The following COG4 variants were observed in gnomAD, a reference collection of about 807,000 sequenced individuals.
COG4 encodes the protein component of oligomeric golgi complex 4.
Under a neutral mutation model 95.1 loss-of-function variants are expected in COG4, and 65 were observed. The ratio of observed to expected loss-of-function variants is 0.68; its 90% CI spans 0.56 to 0.84. COG4 has a LOEUF of 0.84. COG4 is among the 40% of genes least tolerant of loss of function. The pLI is 0.00. For synonymous variants in COG4, 421 were observed against 374.8 expected (o/e 1.12, Z -1.42); for missense variants, 1,045 against 989.1 (o/e 1.06, Z -0.76).
chr16:70,493,171 C>T (rs547611150), intron 12 of COG4, among the ~76,000 whole-genome samples: 2 of 152,164 alleles, frequency 1.3e-5, no homozygotes, highest in Non-Finnish European at 2.9e-5. Flanking sequence ...CTCTCTCCAG[C>T]TCACTGTCCT....
intron 16 of COG4, 61 bp downstream of exon 16, chr16:70,482,031 G>T: frequency 1.4e-6 from 2 of 1,453,752 alleles, no homozygotes; most frequent in Non-Finnish European, 1.9e-6. Context: ...AGACCCTGCA[G>T]GCTGCTGGTT....
chr16:70,496,183 A>G, intron 12 of COG4, 83 bp downstream of exon 12: 1 of 1,436,504 alleles, frequency 7.0e-7, no homozygotes, highest in Non-Finnish European at 9.8e-7. Flanking sequence ...CTCTAGCTAG[A>G]GGCCAATTAT....
At chr16:70,518,009 C>T (rs957479849) in intron 2 of COG4, among the ~76,000 whole-genome samples, 3 of 151,980 alleles carry the variant, frequency 2.0e-5, no homozygotes, top group African/African-American at 7.3e-5. Context: ...CAGCTCACTG[C>T]AACCTCCGCC....
chr16:70,512,556 G>A (rs957272279), intron 4 of COG4, 124 bp from the exon 5 acceptor site: 3 of 800,794 alleles, frequency 3.7e-6, no homozygotes, highest in Non-Finnish European at 4.2e-6. Flanking sequence ...GCAAGATGCT[G>A]TGCTAGTAAT....
rs1441939677 is a variant in COG4, at chr16:70,480,739, G to C, written c.*271C>G. On this transcript the variant is annotated 3_prime_UTR_variant, in exon 19 of 19. Transcript: ENST00000323786. ...GACTGACCATCCATGCAGAAAGCTG[G>C]CCTGGGCTGCTCGCTGCCTGCCGTG... The C allele has an allele frequency of 7.9e-6, 4 of 504,804 alleles. No homozygotes were observed. Among genetic ancestry groups the C allele is most frequent in the African/African-American group, 3.9e-5 (2 of 51,696 alleles). The allele number at this position is 504,804 out of a possible 1,614,324, so 31.3% of individuals were successfully genotyped here.
chr16:70,504,585 T>G (rs2049520106), intron 8 of COG4, among the ~76,000 whole-genome samples: 1 of 139,670 alleles, frequency 7.2e-6, no homozygotes, highest in African/African-American at 2.8e-5. Flanking sequence ...CCAGCCTGGG[T>G]GACGGAGTGA....
intron 12 of COG4, 76 bp downstream of exon 12, chr16:70,496,190 T>C: frequency 6.6e-7 from 1 of 1,514,990 alleles, no homozygotes; most frequent in Non-Finnish European, 9.2e-7. Flanking sequence ...TAGAGGCCAA[T>C]TATACTGTGG....
At chr16:70,523,093 C>G (rs1228922094) in intron 1 of COG4, 1 of 507,330 alleles carries the variant, frequency 2.0e-6, no homozygotes, top group African/African-American at 1.9e-5. Flanking sequence ...TAACTTTACT[C>G]CCGTGGAGAA....
At chr16:70,517,772 C>T (rs758000359) in intron 2 of COG4, 32 bp from the exon 3 acceptor site, 2 of 1,449,242 alleles carry the variant, frequency 1.4e-6, no homozygotes, top group Non-Finnish European at 9.7e-7. Flanking sequence ...ATACACATAA[C>T]GATAGGGCAG....
chr16:70,499,192 A>AT (rs542499860), intron 9 of COG4, among the ~76,000 whole-genome samples: 3 of 151,814 alleles, frequency 2.0e-5, no homozygotes, highest in Non-Finnish European at 2.9e-5. Context: ...TTTTTATTAA[A>AT]TTTTTTTTTC....
intron 8 of COG4, among the ~76,000 whole-genome samples, chr16:70,505,354 C>G (rs1406241228): frequency 6.6e-6 from 1 of 150,592 alleles, no homozygotes; most frequent in Non-Finnish European, 1.5e-5. Context: ...CCCGCCAACA[C>G]ACCCAGCTAA....
Position 70,480,875 on chromosome 16 carries a change from C to T in COG4, c.*135G>A. ...CATGGAGTGGGTCCAGACTTTGTTTCTCTGCTGCCAGCCGTAGAAAGGTCT... is the reference window on the plus strand; with the variant it reads ...CATGGAGTGGGTCCAGACTTTGTTTTTCTGCTGCCAGCCGTAGAAAGGTCT... On this transcript the variant is annotated 3_prime_UTR_variant, in exon 19 of 19. Coordinates refer to ENST00000323786, the MANE Select transcript of COG4 (RefSeq NM_015386.3). 1 of 1,074,832 alleles carries T rather than the reference C, an allele frequency of 9.3e-7. No individual in the cohort carries two copies. The highest frequency in any genetic ancestry group is 1.4e-6 in the Non-Finnish European group (1 of 717,904). The allele number at this position is 1,074,832 out of a possible 1,614,324, so 66.6% of individuals were successfully genotyped here.
chr16:70,508,969 G>T, intron 7 of COG4: 1 of 563,192 alleles, frequency 1.8e-6, no homozygotes, highest in South Asian at 1.8e-5. Flanking sequence ...ATAGAGAACT[G>T]GTTTACTACT....
chr16:70,481,617 G>A (rs758583810), intron 17 of COG4, 130 bp from the exon 18 acceptor site: 6 of 1,449,418 alleles, frequency 4.1e-6, no homozygotes, highest in Admixed American at 3.6e-5. Context: ...TTGCTCTACG[G>A]CTTCAGAAGC....
At position 70,517,670 on chromosome 16, in the gene COG4, C is replaced by G; in HGVS notation, c.325G>C (p.Ala109Pro). 6.2e-7 allele frequency: 1 copy of G among 1,613,194 alleles called. No individual in the cohort carries two copies. The highest frequency in any genetic ancestry group is 8.5e-7 in the Non-Finnish European group (1 of 1,179,878). Residue 109 changes from alanine to proline, a missense_variant, in exon 3 of 19, where the codon GCT (alanine) becomes CCT (proline). Physicochemically the swap from Ala to Pro is conservative, Grantham distance 27. Coordinates refer to ENST00000323786, the MANE Select transcript of COG4 (RefSeq NM_015386.3). ...AGMITFTCNLAENVSSKVRQL... is the reference protein window; with the variant it reads ...AGMITFTCNLPENVSSKVRQL... ...CGAACTTTGCTGGACACATTCTCAG[C>G]CAGGTTGCAGGTAAAGGTGATCATT...
At chr16:70,483,747 C>G (rs2049062939) in intron 14 of COG4, 106 bp downstream of exon 14, 5 of 889,226 alleles carry the variant, frequency 5.6e-6, no homozygotes. Context: ...CGTGCTGCTC[C>G]CTCACCCGTC....
rs1200697695 is a variant in COG4 at position 70,520,632 on chromosome 16, C to CA, written c.172-902dup. Among the ~76,000 whole-genome samples, 345 of 115,200 alleles carry CA rather than the reference C, an allele frequency of 3.0e-3. 1 individual carries two copies. Among genetic ancestry groups the CA allele is most frequent in the East Asian group, 9.5e-3 (38 of 3,996 alleles). The allele number at this position is 115,200 out of a possible 152,430, so 75.6% of individuals were successfully genotyped here. On this transcript the variant is annotated intron_variant, in intron 1 of 18. Transcript: ENST00000323786. ...GGGTAACAAGAGTGAAACGCTGTCTCAAAAAAAAAAAAAAGAAAATACAAT... is the reference window on the plus strand; with the variant it reads ...GGGTAACAAGAGTGAAACGCTGTCTCAAAAAAAAAAAAAAAGAAAATACAAT...
Position 70,509,360 on chromosome 16 carries a change from C to T in COG4, c.873G>A (p.Gln291=). 6.2e-7 allele frequency: 1 copy of T among 1,614,154 alleles called. No individual in the cohort carries two copies. The highest frequency in any genetic ancestry group is 1.7e-5 in the Admixed American group (1 of 60,000). ...EGIARIVETH[Q]PIVETYYGPG... ...GCCCATAATAGGTCTCCACTATTGGCTGGTGGGTCTCCACAATGCGGGCAA... is the reference window on the plus strand; with the variant it reads ...GCCCATAATAGGTCTCCACTATTGGTTGGTGGGTCTCCACAATGCGGGCAA... The change falls in exon 7 of 19, where the codon CAG becomes CAA. Residue 291 remains glutamine, a synonymous_variant. Transcript: ENST00000323786.
intron 15 of COG4, 47 bp downstream of exon 15, chr16:70,482,682 G>C: frequency 6.8e-7 from 1 of 1,480,938 alleles, no homozygotes; most frequent in African/African-American, 1.4e-5. Context: ...CTGGGGCTAG[G>C]GATGAGGGGT....
Sources: gnomAD v4.1 joint callset for allele counts (sites outside exome capture counted in the v4.1 genomes callset) on GRCh38, gnomAD v4.1.1 for gene constraint, MANE v1.5 for transcripts, NCBI Gene and HGNC (gene_info 2026-07-23, HGNC 2026-07-21) for gene names.